Variants in CTNNA2 observed in about 807,000 individuals in gnomAD.
CTNNA2 encodes catenin alpha 2, also known as catenin alpha-2.
In CTNNA2, 42 loss-of-function variants were observed where a neutral mutation model predicts 101.0. The observed-to-expected ratio is 0.42, with a 90% confidence interval of 0.32 to 0.54. The LOEUF is 0.54. Ranked by LOEUF, CTNNA2 falls within the 20% of genes least tolerant of loss-of-function variation. CTNNA2 has a pLI of 0.14. For synonymous variants in CTNNA2, 450 were observed against 456.4 expected (o/e 0.99, Z 0.18); for missense variants, 871 against 1,223.1 (o/e 0.71, Z 4.29).
intron 7 of CTNNA2, among the ~76,000 whole-genome samples, chr2:80,198,709 C>T (rs150224943): frequency 1.8e-3 from 269 of 152,248 alleles, no homozygotes; most frequent in African/African-American, 6.3e-3. Context: ...GCCGAATTTA[C>T]TAATTTTATG....
intron 3 of CTNNA2, among the ~76,000 whole-genome samples, chr2:79,822,941 G>T (rs1358640213): frequency 6.6e-6 from 1 of 152,080 alleles, no homozygotes; most frequent in Non-Finnish European, 1.5e-5. Flanking sequence ...GATCATACAG[G>T]TCTTCCATCC....
chr2:80,184,739 A>G (rs937673258), intron 7 of CTNNA2, among the ~76,000 whole-genome samples: 1 of 152,128 alleles, frequency 6.6e-6, no homozygotes, highest in African/African-American at 2.4e-5. Context: ...TACCCTCCTA[A>G]TAGACAGTGA....
chr2:80,207,698 G>A (rs760975071), intron 7 of CTNNA2, among the ~76,000 whole-genome samples: 1 of 152,194 alleles, frequency 6.6e-6, no homozygotes, highest in Non-Finnish European at 1.5e-5. Flanking sequence ...TTTTATATAA[G>A]TGTTTGGAGT....
intron 4 of CTNNA2, among the ~76,000 whole-genome samples, chr2:79,485,070 T>C (rs1024123086): frequency 3.3e-5 from 5 of 152,186 alleles, no homozygotes; most frequent in Admixed American, 6.5e-5. Context: ...TGTTTATCTA[T>C]ATGAAGGTTA....
chr2:80,442,636 G>A (rs372740337), intron 9 of CTNNA2, among the ~76,000 whole-genome samples: 6 of 152,126 alleles, frequency 3.9e-5, no homozygotes, highest in African/African-American at 1.2e-4. Context: ...TTAATATACC[G>A]TCTCTGTCTT....
intron 9 of CTNNA2, among the ~76,000 whole-genome samples, chr2:80,423,826 T>G (rs535006667): frequency 3.3e-5 from 5 of 152,192 alleles, no homozygotes; most frequent in Admixed American, 1.3e-4. Context: ...GATTTCTATG[T>G]GACAGCCAGG....
At chr2:80,322,242 C>T (rs1171922970) in intron 7 of CTNNA2, among the ~76,000 whole-genome samples, 1 of 152,136 alleles carries the variant, frequency 6.6e-6, no homozygotes, top group East Asian at 1.9e-4. Flanking sequence ...ACTCAATATA[C>T]GTCACTGTCA....
At chr2:79,516,429 C>T (rs1056577047) in intron 1 of CTNNA2, among the ~76,000 whole-genome samples, 1 of 151,926 alleles carries the variant, frequency 6.6e-6, no homozygotes, top group Non-Finnish European at 1.5e-5. Flanking sequence ...GACAGAGACT[C>T]CTGGGAATGA....
At chr2:79,327,976 G>GC (rs916588334) in intron 3 of CTNNA2, among the ~76,000 whole-genome samples, 1 of 109,968 alleles carries the variant, frequency 9.1e-6, no homozygotes, top group African/African-American at 3.2e-5. Flanking sequence ...ATGGGGTTGC[G>GC]GGGGTGAGGG....
chr2:80,034,412 G>C (rs898127054), intron 7 of CTNNA2, among the ~76,000 whole-genome samples: 9 of 143,838 alleles, frequency 6.3e-5, no homozygotes, highest in Admixed American at 2.8e-4. Context: ...GGACTGCAGT[G>C]GCATGATCTC....
At position 80,645,732 on chromosome 2, in the gene CTNNA2, T is replaced by A. The variant is rs182617637; in HGVS notation, c.2575-1853T>A. 2.6e-5 allele frequency among the ~76,000 whole-genome samples: 4 copies of A among 152,252 alleles called. No homozygotes were observed. The East Asian group carries it at 7.7e-4, about 29-fold the overall frequency. ...TAACATGAATAACCTAGAGTTTGCT[T>A]TTCCTTAGCTATCTTTAGAAATTTG... On this transcript the variant is annotated intron_variant, in intron 18 of 18. Coordinates refer to ENST00000402739, the MANE Select transcript of CTNNA2 (RefSeq NM_001282597.3).
chr2:79,354,942 T>C (rs751109513), intron 3 of CTNNA2, among the ~76,000 whole-genome samples: 32 of 152,152 alleles, frequency 2.1e-4, no homozygotes, highest in Non-Finnish European at 4.1e-4. Flanking sequence ...TGATCTCACT[T>C]GGTAGGAGAG....
rs148637693 is a variant in CTNNA2, at chr2:80,565,559, C to G, written c.1742-8604C>G. On this transcript the variant is annotated intron_variant, in intron 12 of 18. Coordinates refer to ENST00000402739, the MANE Select transcript of CTNNA2 (RefSeq NM_001282597.3). ...CATGGTGAATCGTGTGGTTGTACCT[C>G]CAAGTTCTTTCCAAAAGAGACTAGG... 1.9e-3 allele frequency among the ~76,000 whole-genome samples: 292 copies of G among 150,310 alleles called. 1 individual carries two copies. The highest frequency in any genetic ancestry group is 3.0e-3 in the Non-Finnish European group (206 of 67,684).
intron 9 of CTNNA2, among the ~76,000 whole-genome samples, chr2:80,508,367 C>T (rs1410173655): frequency 6.6e-6 from 1 of 152,086 alleles, no homozygotes; most frequent in Non-Finnish European, 1.5e-5. Context: ...CACCTGTAAT[C>T]CCAGCTACTC....
chr2:80,144,902 A>T (rs1350607457), intron 7 of CTNNA2, among the ~76,000 whole-genome samples: 1 of 152,110 alleles, frequency 6.6e-6, no homozygotes. Context: ...TGTCCTGTGC[A>T]TTGTGGGATG....
chr2:79,253,007 C>A (rs1573000100), intron 2 of CTNNA2, among the ~76,000 whole-genome samples: 2 of 152,260 alleles, frequency 1.3e-5, no homozygotes, highest in East Asian at 3.9e-4. Context: ...GTTATAAAGC[C>A]TTTCCTTAGT....
At chr2:80,561,620 T>A (rs1338375884) in intron 12 of CTNNA2, among the ~76,000 whole-genome samples, 1 of 152,066 alleles carries the variant, frequency 6.6e-6, no homozygotes, top group Non-Finnish European at 1.5e-5. Flanking sequence ...TCTAGGAGCT[T>A]ATTTAGAAAT....
chr2:80,302,783 T>G lies in CTNNA2; in HGVS notation c.1057-90428T>G. The G allele has an allele frequency of 1.2e-6, 2 of 1,613,460 alleles. No individual in the cohort carries two copies. The highest frequency in any genetic ancestry group is 1.7e-6 in the Non-Finnish European group (2 of 1,179,884). On this transcript the variant is annotated intron_variant, in intron 7 of 18. Transcript: ENST00000402739. This position sits in a 1 kb window ranked among gnomAD's most constrained non-coding sequence, Gnocchi z 6.4. ...CAGGACGTCCTCGCCCTGTGCGTAC[T>G]CCGGGCTGGCGCACTGCAAGTTGCC...
At chr2:80,239,637 C>T (rs914893231) in intron 7 of CTNNA2, among the ~76,000 whole-genome samples, 14 of 152,054 alleles carry the variant, frequency 9.2e-5, no homozygotes, top group Middle Eastern at 3.4e-3. Flanking sequence ...TATGGCCTGG[C>T]GTGGTGGCTC....
Sources: allele counts gnomAD v4.1 joint callset (sites outside exome capture counted in the v4.1 genomes callset), GRCh38; gene constraint gnomAD v4.1.1; non-coding constraint Gnocchi (gnomAD v3.1); transcripts MANE v1.5; gene names NCBI Gene and HGNC (gene_info 2026-07-23, HGNC 2026-07-21).